The following CSRNP3 variants were observed in gnomAD, a reference collection of about 807,000 sequenced individuals.
CSRNP3 encodes the protein cysteine/serine-rich nuclear protein 3.
In CSRNP3, 12 loss-of-function variants were observed where a neutral mutation model predicts 48.0. The ratio of observed to expected loss-of-function variants is 0.25; its 90% CI spans 0.16 to 0.41. CSRNP3 has a LOEUF of 0.41. Among genes scored for constraint, CSRNP3 ranks in the 10% least tolerant of loss-of-function variants. CSRNP3 has a pLI of 1.00. For synonymous variants in CSRNP3, 263 were observed against 269.7 expected (o/e 0.98, Z 0.24); for missense variants, 580 against 724.4 (o/e 0.80, Z 2.29).
chr2:165,604,556 A>G (rs761649537), intron 4 of CSRNP3, among the ~76,000 whole-genome samples: 1 of 152,214 alleles, frequency 6.6e-6, no homozygotes, highest in African/African-American at 2.4e-5. Flanking sequence ...GAATACATGT[A>G]ATGATGAACT....
intron 1 of CSRNP3, among the ~76,000 whole-genome samples, chr2:165,492,648 A>G (rs1262907897): frequency 4.7e-5 from 7 of 149,020 alleles, no homozygotes. Flanking sequence ...ATGTTTATAT[A>G]TTTAATTTAT....
intron 3 of CSRNP3, among the ~76,000 whole-genome samples, chr2:165,534,182 A>C (rs1177270611): frequency 6.6e-6 from 1 of 152,052 alleles, no homozygotes; most frequent in Non-Finnish European, 1.5e-5. Flanking sequence ...ACAAGGGCTG[A>C]AAACTGGCAA....
intron 2 of CSRNP3, among the ~76,000 whole-genome samples, chr2:165,496,970 C>A (rs1574804729): frequency 6.6e-6 from 1 of 152,014 alleles, no homozygotes; most frequent in Non-Finnish European, 1.5e-5. Flanking sequence ...TCAAGCCTTA[C>A]AATTATGGCT....
rs977201980 is a variant in CSRNP3 at position 165,663,929 on chromosome 2, G to A, written c.408+5909G>A. On this transcript the variant is annotated intron_variant, in intron 5 of 6. Transcript: ENST00000651982. ...CTTATTAGCTACCACTGAAAGAAGC[G>A]ATGTTGGTCTAAATCAGAGGGTAGG... Among the ~76,000 whole-genome samples, 8 of 152,034 alleles carry A rather than the reference G, an allele frequency of 5.3e-5. No individual in the cohort carries two copies. In the South Asian group the frequency reaches 1.5e-3, roughly 28 times the overall value.
intron 4 of CSRNP3, among the ~76,000 whole-genome samples, chr2:165,639,226 A>C (rs561687020): frequency 6.6e-6 from 1 of 152,284 alleles, no homozygotes; most frequent in South Asian, 2.1e-4. Flanking sequence ...AAAAGCACAA[A>C]ACGTGCAAAT....
intron 3 of CSRNP3, among the ~76,000 whole-genome samples, chr2:165,571,375 G>A (rs962403615): frequency 6.6e-6 from 1 of 151,780 alleles, no homozygotes; most frequent in Non-Finnish European, 1.5e-5. Flanking sequence ...TTTAAAATAA[G>A]TTCCAATAAC....
chr2:165,666,587 A>G (rs1474155626), intron 5 of CSRNP3, among the ~76,000 whole-genome samples: 1 of 40,952 alleles, frequency 2.4e-5, no homozygotes, highest in Non-Finnish European at 5.9e-5. Context: ...GGAAGGAAGG[A>G]AGGGAGGATA....
chr2:165,585,585 A>G (rs1685614350), intron 3 of CSRNP3, among the ~76,000 whole-genome samples: 1 of 152,182 alleles, frequency 6.6e-6, no homozygotes, highest in Non-Finnish European at 1.5e-5. Context: ...TTGCTGATTG[A>G]AGCAAGCACC....
chr2:165,657,900 C>T lies in CSRNP3; in HGVS notation c.288C>T (p.Ser96=), dbSNP rs748873004. 1 of 1,614,080 alleles carries T rather than the reference C, an allele frequency of 6.2e-7. No homozygotes were observed. Among genetic ancestry groups the T allele is most frequent in the Admixed American group, 1.7e-5 (1 of 60,016 alleles). The stretch of plus-strand genomic sequence containing the variant: ...GGGGAAGCACCCTGGGGATGTCCAG[C>T]CGCCATAACAGCGTGCGCCAGTACA... ...SQGGSTLGMS[S]RHNSVRQYTL... Residue 96 remains serine, a synonymous_variant, in exon 5 of 7, where the codon AGC becomes AGT. Coordinates refer to ENST00000651982, the MANE Select transcript of CSRNP3 (RefSeq NM_001172173.2).
rs1687576432 is a variant in CSRNP3, at chr2:165,683,267, T to A, written c.*3514T>A. On this transcript the variant is annotated 3_prime_UTR_variant, in exon 7 of 7. Transcript: ENST00000651982. ...CTTTGTGATAAAACCATTTTCTCAA[T>A]GTGACAGCCACATGTAAAATGTGAA... 6.6e-6 allele frequency: 1 copy of A among 152,156 alleles called. No homozygotes were observed. The highest frequency in any genetic ancestry group is 1.9e-4 in the East Asian group (1 of 5,198). 9.4% of individuals were successfully genotyped at this position (152,156 alleles called of 1,614,324 possible). A position where few individuals can be genotyped will look rare whatever the true frequency, so the allele number is the denominator to read the frequency against.
At chr2:165,586,728 T>C (rs1685639919) in intron 3 of CSRNP3, among the ~76,000 whole-genome samples, 1 of 152,172 alleles carries the variant, frequency 6.6e-6, no homozygotes, top group Admixed American at 6.5e-5. Flanking sequence ...TAGATGAATA[T>C]CAGTGGGATA....
intron 2 of CSRNP3, among the ~76,000 whole-genome samples, chr2:165,496,211 G>A (rs372982537): frequency 5.3e-5 from 8 of 151,954 alleles, no homozygotes; most frequent in African/African-American, 1.9e-4. Context: ...AAGTGAGGAG[G>A]AGATAAAAAC....
chr2:165,589,900 A>G (rs1335721648), intron 3 of CSRNP3, among the ~76,000 whole-genome samples: 1 of 152,180 alleles, frequency 6.6e-6, no homozygotes, highest in Non-Finnish European at 1.5e-5. Context: ...GGGAAGAAGA[A>G]CATGGTTTCT....
At chr2:165,666,120 A>C (rs1687191224) in intron 5 of CSRNP3, among the ~76,000 whole-genome samples, 1 of 131,836 alleles carries the variant, frequency 7.6e-6, no homozygotes, top group Non-Finnish European at 1.7e-5. Context: ...AAAGAGAGAG[A>C]GAAAGGAAGG....
intron 3 of CSRNP3, among the ~76,000 whole-genome samples, chr2:165,583,912 AC>A (rs1685586939): frequency 6.6e-6 from 1 of 152,132 alleles, no homozygotes; most frequent in African/African-American, 2.4e-5. Context: ...GGGTGAGTCC[AC>A]AGTGCAAAGC....
chr2:165,606,366 CAAAA>C (rs1229143916), intron 4 of CSRNP3, among the ~76,000 whole-genome samples: 1 of 63,102 alleles, frequency 1.6e-5, no homozygotes, highest in Admixed American at 1.8e-4. Context: ...GCTAATGCAG[CAAAA>C]AAAAAAAAAA....
chr2:165,472,439 A>G (rs1683907825), intron 1 of CSRNP3, among the ~76,000 whole-genome samples: 1 of 151,920 alleles, frequency 6.6e-6, no homozygotes, highest in African/African-American at 2.4e-5. Flanking sequence ...TATTTGAAAC[A>G]TTTTTGCTTT....
In CSRNP3 at chr2:165,681,692, A is replaced by C. The variant is rs1332531614; in HGVS notation, c.*1939A>C. The C allele has an allele frequency of 2.1e-5, 3 of 143,426 alleles. No homozygotes were observed. Among genetic ancestry groups the C allele is most frequent in the Non-Finnish European group, 1.5e-5 (1 of 66,284 alleles). The allele number at this position is 143,426 out of a possible 1,614,324, so 8.9% of individuals were successfully genotyped here. ...TTTGAATGATTGGCCCTTTGGGCTA[A>C]TCAGAATGAGGATTTGTTGAAATCT... On this transcript the variant is annotated 3_prime_UTR_variant, in exon 7 of 7. Transcript: ENST00000651982.
rs1164159608 is a variant in CSRNP3, at chr2:165,674,949, G to A, written c.409-1363G>A. ...GCTGGTCTTGAACTCTTGGCCTCAA[G>A]CAATCTGCCCACCTTGGACTCCCAA... On this transcript the variant is annotated intron_variant, in intron 5 of 6. Coordinates refer to ENST00000651982, the MANE Select transcript of CSRNP3 (RefSeq NM_001172173.2). 5.9e-5 allele frequency among the ~76,000 whole-genome samples: 9 copies of A among 151,850 alleles called. No homozygotes were observed. The South Asian group carries it at 1.9e-3, about 32-fold the overall frequency.
Sources: gnomAD v4.1 joint callset for allele counts (sites outside exome capture counted in the v4.1 genomes callset) on GRCh38, gnomAD v4.1.1 for gene constraint, MANE v1.5 for transcripts, NCBI Gene and HGNC (gene_info 2026-07-23, HGNC 2026-07-21) for gene names.